SNTG1: variants seen among roughly 807,000 people sequenced by gnomAD.
The protein encoded by SNTG1 is gamma-1-syntrophin.
In SNTG1, 39 loss-of-function variants were observed where a neutral mutation model predicts 74.7. The observed-to-expected ratio is 0.52, with a 90% CI of 0.40 to 0.68. The LOEUF is 0.68. SNTG1 is among the 30% of genes least tolerant of loss of function. The pLI is 0.00. For synonymous variants in SNTG1, 254 were observed against 217.1 expected (o/e 1.17, Z -1.49); for missense variants, 685 against 609.5 (o/e 1.12, Z -1.30).
chr8:50,177,925 C>A (rs545391914), intron 2 of SNTG1, among the ~76,000 whole-genome samples: 3 of 152,264 alleles, frequency 2.0e-5, no homozygotes, highest in East Asian at 3.9e-4. Flanking sequence ...ACTGTCTCTA[C>A]CGTTTTGCAT....
intron 2 of SNTG1, among the ~76,000 whole-genome samples, chr8:50,261,175 T>A (rs1025938786): frequency 1.3e-5 from 2 of 152,186 alleles, no homozygotes; most frequent in African/African-American, 4.8e-5. Context: ...GACAACCTTA[T>A]CTGCAGATGA....
Position 50,794,186 on chromosome 8 carries a change from G to A in SNTG1, c.*1357G>A, listed in dbSNP as rs1311391832. 1.3e-5 allele frequency: 2 copies of A among 150,716 alleles called. No individual in the cohort carries two copies. Among genetic ancestry groups the A allele is most frequent in the African/African-American group, 2.4e-5 (1 of 41,100 alleles). The allele number at this position is 150,716 out of a possible 1,614,324, so 9.3% of individuals were successfully genotyped here. Reference sequence around the variant, plus strand: ...TAAACCAAGTATTATGTGTGTCCTTGTGGAGATAACCAAGTATCTAATAAA... The same window carrying A: ...TAAACCAAGTATTATGTGTGTCCTTATGGAGATAACCAAGTATCTAATAAA... On this transcript the variant is annotated 3_prime_UTR_variant, in exon 19 of 19. Coordinates refer to ENST00000642720, the MANE Select transcript of SNTG1 (RefSeq NM_018967.5).
At chr8:50,608,727 T>C (rs1446009334) in intron 13 of SNTG1, among the ~76,000 whole-genome samples, 1 of 151,944 alleles carries the variant, frequency 6.6e-6, no homozygotes, top group African/African-American at 2.4e-5. Context: ...TATGCTTAGA[T>C]GTATGCCTGC....
intron 4 of SNTG1, among the ~76,000 whole-genome samples, chr8:50,427,315 T>G (rs1268344727): frequency 3.9e-5 from 6 of 152,106 alleles, no homozygotes; most frequent in Non-Finnish European, 4.4e-5. Context: ...ACATAATGAT[T>G]ATTATTAATA....
chr8:50,295,933 T>C (rs1356759115), intron 2 of SNTG1, among the ~76,000 whole-genome samples: 1 of 152,178 alleles, frequency 6.6e-6, no homozygotes, highest in Non-Finnish European at 1.5e-5. Context: ...TGTAAAAAAG[T>C]GCACCTAAAG....
chr8:50,516,405 C>T (rs574934399), intron 9 of SNTG1, among the ~76,000 whole-genome samples: 3 of 152,292 alleles, frequency 2.0e-5, no homozygotes, highest in African/African-American at 7.2e-5. Context: ...ATTATCACAA[C>T]TCCTCACCAG....
chr8:50,128,680 T>A (rs1279432273), intron 1 of SNTG1, among the ~76,000 whole-genome samples: 4 of 152,100 alleles, frequency 2.6e-5, no homozygotes, highest in Admixed American at 2.6e-4. Context: ...AAAAAATAAT[T>A]GAACCAGCTT....
At chr8:50,323,846 G>T (rs1587130178) in intron 2 of SNTG1, among the ~76,000 whole-genome samples, 1 of 151,442 alleles carries the variant, frequency 6.6e-6, no homozygotes, top group Non-Finnish European at 1.5e-5. Context: ...CCAGGGATTG[G>T]ACTCAAAACT....
intron 10 of SNTG1, among the ~76,000 whole-genome samples, chr8:50,535,855 A>G (rs1375037917): frequency 3.9e-5 from 6 of 152,216 alleles, no homozygotes; most frequent in Non-Finnish European, 5.9e-5. Flanking sequence ...AGGGAAGTCA[A>G]TGTTACCAGT....
intron 13 of SNTG1, among the ~76,000 whole-genome samples, chr8:50,611,960 G>A (rs1485963822): frequency 6.6e-6 from 1 of 152,016 alleles, no homozygotes; most frequent in Non-Finnish European, 1.5e-5. Flanking sequence ...GTCTCCCCAT[G>A]TTGTCCAGGC....
intron 2 of SNTG1, among the ~76,000 whole-genome samples, chr8:50,271,995 T>C (rs1336403206): frequency 6.6e-6 from 1 of 152,100 alleles, no homozygotes; most frequent in Non-Finnish European, 1.5e-5. Context: ...AGAGTACAGC[T>C]AGAAGGTATC....
Position 50,433,020 on chromosome 8 carries a change from C to A in SNTG1, c.163-5523C>A, listed in dbSNP as rs551045049. Among the ~76,000 whole-genome samples, 119 of 152,220 alleles carry A rather than the reference C, an allele frequency of 7.8e-4. 1 individual carries two copies. The highest frequency in any genetic ancestry group is 2.6e-3 in the African/African-American group (110 of 41,552). ...GGCCAGGCTGGTCTCGAACTCCTGA[C>A]CTCCAGTGATCCACCTGCCTCGGCC... is the stretch of plus-strand genomic sequence containing the variant. On this transcript the variant is annotated intron_variant, in intron 4 of 18. Transcript: ENST00000642720.
At chr8:50,779,841 G>C (rs904974188) in intron 18 of SNTG1, among the ~76,000 whole-genome samples, 28 of 152,108 alleles carry the variant, frequency 1.8e-4, no homozygotes, top group Non-Finnish European at 3.7e-4. Flanking sequence ...CTGTGGGTTT[G>C]TCACAGATAG....
At chr8:50,654,019 G>A (rs2095165253) in intron 13 of SNTG1, among the ~76,000 whole-genome samples, 1 of 151,938 alleles carries the variant, frequency 6.6e-6, no homozygotes, top group South Asian at 2.1e-4. Flanking sequence ...GCTCTTTGCT[G>A]TCTTTGGTTC....
intron 8 of SNTG1, among the ~76,000 whole-genome samples, chr8:50,455,953 C>T (rs1026980804): frequency 1.3e-5 from 2 of 152,284 alleles, no homozygotes; most frequent in East Asian, 1.9e-4. Context: ...GAATTAACTT[C>T]CACCAAGGAA....
chr8:50,625,334 C>T (rs576151082), intron 13 of SNTG1, among the ~76,000 whole-genome samples: 29 of 152,180 alleles, frequency 1.9e-4, no homozygotes, highest in Non-Finnish European at 1.6e-4. Context: ...AGAGGTTTCC[C>T]ACTTCCCTTT....
intron 9 of SNTG1, 59 bp downstream of exon 9, chr8:50,502,939 A>G (rs919488502): frequency 6.8e-6 from 9 of 1,333,148 alleles, no homozygotes; most frequent in Admixed American, 2.0e-5. Context: ...CATAATTATT[A>G]TTTTGACAAT....
chr8:50,720,808 A>T (rs146493511), intron 17 of SNTG1, among the ~76,000 whole-genome samples: 2 of 152,330 alleles, frequency 1.3e-5, no homozygotes, highest in East Asian at 3.9e-4. Flanking sequence ...GTAATTTTTA[A>T]CATGTTCTAT....
chr8:50,246,572 T>TG (rs2086410382), intron 2 of SNTG1, among the ~76,000 whole-genome samples: 1 of 151,360 alleles, frequency 6.6e-6, no homozygotes, highest in African/African-American at 2.4e-5. Context: ...GGTCGTAAGG[T>TG]GGATGCCTAA....
Sources: allele counts gnomAD v4.1 joint callset (sites outside exome capture counted in the v4.1 genomes callset), GRCh38; gene constraint gnomAD v4.1.1; transcripts MANE v1.5; gene names NCBI Gene and HGNC (gene_info 2026-07-23, HGNC 2026-07-21).